Variants in EGF observed in about 807,000 individuals in gnomAD.
EGF encodes pro-epidermal growth factor.
Under a neutral mutation model 143.8 loss-of-function variants are expected in EGF, and 95 were observed. The observed-to-expected ratio is 0.66, with a 90% confidence interval of 0.56 to 0.78. EGF has a LOEUF of 0.78. Ranked by LOEUF, EGF falls within the 30% of genes least tolerant of loss-of-function variation. The pLI, the probability that EGF is intolerant of heterozygous loss-of-function variation, is 0.00. For missense variants in EGF, 1,320 were observed against 1,470.9 expected, an observed-to-expected ratio of 0.90 and a Z score of 1.68; for synonymous variants, 510 against 510.5, an observed-to-expected ratio of 1.00 and a Z score of 0.01.
chr4:110,009,300 T>A (rs1055711103), intron 23 of EGF, among the ~76,000 whole-genome samples: 3 of 152,302 alleles, frequency 2.0e-5, no homozygotes, highest in African/African-American at 7.2e-5. Flanking sequence ...AATGAAAAAA[T>A]TCAGCATTTT....
rs1754033730 is a variant in EGF, at chr4:110,011,928, T to C, written c.*473T>C. 1 of 165,100 alleles carries C rather than the reference T, an allele frequency of 6.1e-6. No homozygotes were observed. 10.2% of individuals were successfully genotyped at this position (165,100 alleles called of 1,614,324 possible). A position where few individuals can be genotyped will look rare whatever the true frequency, so the allele number is the denominator to read the frequency against. On this transcript the variant is annotated 3_prime_UTR_variant, in exon 24 of 24. Transcript: ENST00000265171. ...TTAAGATACAGTGTAGGCATTTAACTCCTCATTGGCGTGGTCCATGCTGAT... is the reference window on the plus strand; with the variant it reads ...TTAAGATACAGTGTAGGCATTTAACCCCTCATTGGCGTGGTCCATGCTGAT...
chr4:109,981,383 C>A lies in EGF; in HGVS notation c.2371+408C>A, dbSNP rs184482082. Among the ~76,000 whole-genome samples, 100 of 152,230 alleles carry A rather than the reference C, an allele frequency of 6.6e-4. 1 individual carries two copies. Among genetic ancestry groups the A allele is most frequent in the African/African-American group, 2.2e-3 (93 of 41,540 alleles). ...CAGGTCTTAATAAGAAAATCAAAGT[C>A]CTTTATAAAAAATAACTTCAGGATA... On this transcript the variant is annotated intron_variant, in intron 15 of 23. Coordinates refer to ENST00000265171, the MANE Select transcript of EGF (RefSeq NM_001963.6).
chr4:110,006,436 T>G (rs1197627715), intron 22 of EGF, among the ~76,000 whole-genome samples: 1 of 152,210 alleles, frequency 6.6e-6, no homozygotes, highest in Non-Finnish European at 1.5e-5. Context: ...TGCAGACTTC[T>G]GCTCCCCACT....
At chr4:109,970,749 T>G (rs945472698) in intron 11 of EGF, among the ~76,000 whole-genome samples, 1 of 138,920 alleles carries the variant, frequency 7.2e-6, no homozygotes, top group Admixed American at 8.1e-5. Context: ...GGCGTGAACC[T>G]GGAAGGCGGA....
intron 6 of EGF, 139 bp from the exon 7 acceptor site, chr4:109,960,728 T>A: frequency 1.1e-6 from 1 of 890,966 alleles, no homozygotes; most frequent in Non-Finnish European, 1.8e-6. Context: ...TTTGCTAGAG[T>A]ATGGAAAACA....
intron 5 of EGF, among the ~76,000 whole-genome samples, chr4:109,949,805 G>A (rs1001441177): frequency 6.6e-6 from 1 of 152,138 alleles, no homozygotes; most frequent in Admixed American, 6.5e-5. Flanking sequence ...GGCAAGGGAG[G>A]GGCTTACAAA....
intron 5 of EGF, among the ~76,000 whole-genome samples, chr4:109,953,150 G>A (rs1744216701): frequency 6.6e-6 from 1 of 152,192 alleles, no homozygotes; most frequent in Admixed American, 6.5e-5. Flanking sequence ...TGGCACTGCA[G>A]GTGGTTCTGT....
Position 109,976,139 on chromosome 4 carries a change from A to C in EGF, c.1957A>C (p.Thr653Pro). 6.2e-7 allele frequency: 1 copy of C among 1,614,166 alleles called. No individual in the cohort carries two copies. Among genetic ancestry groups the C allele is most frequent in the Non-Finnish European group, 8.5e-7 (1 of 1,180,012 alleles). Residue 653 changes from threonine to proline, a missense_variant, in exon 13 of 24, where the codon ACT becomes CCT. Thr to Pro is a conservative substitution (Grantham distance 38, BLOSUM62 -1). Coordinates refer to ENST00000265171, the MANE Select transcript of EGF (RefSeq NM_001963.6). ...WPSGITIDFL[T>P]DKLYWCDAKQ... ...CAGTGGAATAACGATTGACTTCTTA[A>C]CTGACAAGTTGTACTGGTGCGATGC...
chr4:109,929,584 C>T (rs1478144600), intron 1 of EGF, among the ~76,000 whole-genome samples: 2 of 152,128 alleles, frequency 1.3e-5, no homozygotes, highest in Non-Finnish European at 2.9e-5. Context: ...GAAAGTAAGC[C>T]TCTTCAGTTT....
At chr4:109,934,108 C>T (rs1433932812) in intron 1 of EGF, among the ~76,000 whole-genome samples, 1 of 152,152 alleles carries the variant, frequency 6.6e-6, no homozygotes, top group Admixed American at 6.5e-5. Context: ...TTTTAATGAT[C>T]GCCATTCTAA....
In EGF at chr4:109,923,404, T is replaced by G. The variant is rs543202668; in HGVS notation, c.127+9942T>G. Reference sequence around the variant, plus strand: ...ATCCTTGCAATTTGAGAAACTAAATTTAAAGCTGGTTAAAAAAGAGAGAAG... The same window carrying G: ...ATCCTTGCAATTTGAGAAACTAAATGTAAAGCTGGTTAAAAAAGAGAGAAG... On this transcript the variant is annotated intron_variant, in intron 1 of 23. Transcript: ENST00000265171. Among the ~76,000 whole-genome samples, 79 of 151,622 alleles carry G rather than the reference T, an allele frequency of 5.2e-4. 3 individuals carry two copies. The highest frequency in any genetic ancestry group is 1.9e-3 in the African/African-American group (77 of 40,944).
At chr4:110,004,211 T>TACATACATAC in intron 21 of EGF, 1 of 387,262 alleles carries the variant, frequency 2.6e-6, no homozygotes, top group Middle Eastern at 8.2e-4. Flanking sequence ...TACATGGGCA[T>TACATACATAC]ACATACACAC....
intron 15 of EGF, among the ~76,000 whole-genome samples, chr4:109,982,101 A>ATTTATT (rs1258112744): frequency 6.6e-6 from 1 of 151,034 alleles, no homozygotes; most frequent in African/African-American, 2.4e-5. Context: ...TGCCTGGCTA[A>ATTTATT]TTTATTTTTA....
chr4:109,994,861 T>C lies in EGF; in HGVS notation c.2986T>C (p.Leu996=), dbSNP rs866534353. 7 of 1,614,016 alleles carry C rather than the reference T, an allele frequency of 4.3e-6. No homozygotes were observed. The highest frequency in any genetic ancestry group is 4.0e-5 in the African/African-American group (3 of 74,934). ...HDGVCMYIEA[L]DKYACNCVVG... ...TGGTGTGTGCATGTATATTGAAGCA[T>C]TGGACAAGTATGCATGCAAGTAAGT... The change falls in exon 20 of 24, where the codon TTG becomes CTG. Residue 996 remains leucine (L), a synonymous_variant. Transcript: ENST00000265171.
At chr4:109,919,335 C>CA (rs1312817983) in intron 1 of EGF, among the ~76,000 whole-genome samples, 8 of 135,438 alleles carry the variant, frequency 5.9e-5, no homozygotes, top group South Asian at 2.3e-4. Flanking sequence ...CTCTCTCTCT[C>CA]TCTCTCATCT....
chr4:109,932,628 T>C (rs1039232725), intron 1 of EGF, among the ~76,000 whole-genome samples: 2 of 151,760 alleles, frequency 1.3e-5, no homozygotes, highest in African/African-American at 4.8e-5. Context: ...TCCGCCTGCC[T>C]GCCTCGGCCT....
In EGF at chr4:109,976,046, C is replaced by T. The variant is rs759896124; in HGVS notation, c.1864C>T (p.Arg622Ter). 54 of 1,613,824 alleles carry T rather than the reference C, an allele frequency of 3.3e-5. No individual in the cohort carries two copies. The highest frequency in any genetic ancestry group is 1.8e-4 in the Admixed American group (11 of 60,000). ...CTGGACTGATACAGGGATTAATCCA[C>T]GAATTGAAAGTTCTTCCCTCCAAGG... is the stretch of plus-strand genomic sequence containing the variant. The part of the protein sequence containing the change: ...LFWTDTGINP[R>*]IESSSLQGLG... The change falls in exon 13 of 24, where the codon CGA (arginine) becomes TGA (stop). Residue 622 changes from arginine (R) to a stop codon, truncating the protein, a stop_gained. Coordinates refer to ENST00000265171, the MANE Select transcript of EGF (RefSeq NM_001963.6). LOFTEE classifies it high-confidence loss of function.
chr4:109,981,720 A>G (rs1041059567), intron 15 of EGF, among the ~76,000 whole-genome samples: 4 of 152,204 alleles, frequency 2.6e-5, no homozygotes, highest in Non-Finnish European at 5.9e-5. Flanking sequence ...AAGTTATGCA[A>G]TGAAAAAAAG....
Position 109,921,952 on chromosome 4 carries a change from C to G in EGF, c.127+8490C>G, listed in dbSNP as rs746990276. On this transcript the variant is annotated intron_variant, in intron 1 of 23. Coordinates refer to ENST00000265171, the MANE Select transcript of EGF (RefSeq NM_001963.6). Reference sequence around the variant, plus strand: ...ACACCAATCCTCTGCTCTTCCAGCCCAGGCCTTCCCTTACGAGGTTTAAAA... The same window carrying G: ...ACACCAATCCTCTGCTCTTCCAGCCGAGGCCTTCCCTTACGAGGTTTAAAA... Among the ~76,000 whole-genome samples the G allele has an allele frequency of 1.6e-4, 25 of 151,660 alleles. 1 individual carries two copies. Among genetic ancestry groups the G allele is most frequent in the African/African-American group, 5.1e-4 (21 of 40,930 alleles).
Sources: gnomAD v4.1 joint callset for allele counts (sites outside exome capture counted in the v4.1 genomes callset) on GRCh38, gnomAD v4.1.1 for gene constraint, MANE v1.5 for transcripts, NCBI Gene and HGNC (gene_info 2026-07-23, HGNC 2026-07-21) for gene names.